TNXB: variants seen among roughly 807,000 people sequenced by gnomAD.
TNXB encodes the protein tenascin-X.
In TNXB, 183 loss-of-function variants were observed where a neutral mutation model predicts 340.5. That is an observed-to-expected ratio of 0.54 (90% CI 0.48 to 0.61). TNXB has a LOEUF of 0.61. Ranked by LOEUF, TNXB falls within the 20% of genes least tolerant of loss-of-function variation. The probability of loss-of-function intolerance (pLI) is 0.00; values close to 1 mark genes in which losing one functional copy is unlikely to be tolerated. For missense variants in TNXB, 4,613 were observed against 5,446.4 expected (o/e 0.85, Z 4.82); for synonymous variants, 2,121 against 2,314.5 (o/e 0.92, Z 2.40).
chr6:32,058,489 A>G lies in TNXB; in HGVS notation c.7493-99T>C, dbSNP rs754161597. The G allele has an allele frequency of 4.4e-5, 45 of 1,033,432 alleles. No individual in the cohort carries two copies. The highest frequency in any genetic ancestry group is 5.7e-5 in the Admixed American group (2 of 34,922). 64.0% of individuals were successfully genotyped at this position (1,033,432 alleles called of 1,614,324 possible). ...GGTCATACATCAAATGTGCCCCTCC[A>G]GAGCAGGCTGAGGGCTGGGGCAGCT... On this transcript the variant is annotated intron_variant, in intron 21 of 43. Transcript: ENST00000644971. The surrounding 1 kb of genome is among the most constrained non-coding windows in gnomAD (Gnocchi z 5.1).
rs1006168035 is a variant in TNXB at position 32,052,217 on chromosome 6, C to T, written c.9115+453G>A. On this transcript the variant is annotated intron_variant, in intron 26 of 43. Coordinates refer to ENST00000644971, the MANE Select transcript of TNXB (RefSeq NM_001365276.2). The surrounding 1 kb of genome is among the most constrained non-coding windows in gnomAD (Gnocchi z 4.7). Reference sequence around the variant, plus strand: ...CTATGATCCCAGCACTTTGGGAGGCCGAGGAGGGCAGATCACGAGGTCAGG... The same window carrying T: ...CTATGATCCCAGCACTTTGGGAGGCTGAGGAGGGCAGATCACGAGGTCAGG... 6.6e-6 allele frequency among the ~76,000 whole-genome samples: 1 copy of T among 152,022 alleles called. No individual in the cohort carries two copies. The highest frequency in any genetic ancestry group is 2.4e-5 in the African/African-American group (1 of 41,396).
rs1381181919 is a variant in TNXB, at chr6:32,072,110, CCACG to C, written c.4866_4869del (p.Val1623LeufsTer59). On this transcript the variant is annotated frameshift_variant, in exon 13 of 44. Transcript: ENST00000644971. LOFTEE classifies it high-confidence loss of function. The surrounding 1 kb of genome is among the most constrained non-coding windows in gnomAD (Gnocchi z 4.4). Reference sequence around the variant, plus strand: ...ATAGTGACCTCCCGCTGATCTGCAGCCACGGGCACCACCTGGGGCTGCCCGTCCC... The same window carrying C: ...ATAGTGACCTCCCGCTGATCTGCAGCGGCACCACCTGGGGCTGCCCGTCCC... 6.2e-7 allele frequency: 1 copy of C among 1,613,034 alleles called. No individual in the cohort carries two copies. Among genetic ancestry groups the C allele is most frequent in the Admixed American group, 1.7e-5 (1 of 59,930 alleles).
In TNXB at chr6:32,084,431, C is replaced by T. The variant is rs965570472; in HGVS notation, c.3427G>A (p.Val1143Met). The T allele has an allele frequency of 9.1e-5, 145 of 1,592,552 alleles. No homozygotes were observed. Among genetic ancestry groups the T allele is most frequent in the Non-Finnish European group, 1.1e-4 (126 of 1,166,952 alleles). The change falls in exon 8 of 44, where the codon GTG (valine) becomes ATG (methionine). Residue 1143 changes from valine to methionine, a missense_variant. By Grantham distance (21) the Val-to-Met change is conservative. Around this residue, in one of 7 missense-constraint regions of TNXB, gnomAD observed 4,327 missense variants for 4,859.4 expected, o/e 0.89. Coordinates refer to ENST00000644971, the MANE Select transcript of TNXB (RefSeq NM_001365276.2). This position sits in a 1 kb window ranked among gnomAD's most constrained non-coding sequence, Gnocchi z 5.5. The stretch of plus-strand genomic sequence containing the variant: ...CACTCACAGATCTTGGCTTCAGCCA[C>T]CAGCGGACCATGCCTCTTCTTGCCA... ...FVGKKRHGPL[V>M]AEAKILPQSD...
In TNXB at chr6:32,049,197, C is replaced by T. The variant is rs920769124; in HGVS notation, c.9757+73G>A. 7.3e-6 allele frequency: 11 copies of T among 1,505,630 alleles called. No homozygotes were observed. Among genetic ancestry groups the T allele is most frequent in the Non-Finnish European group, 9.8e-6 (11 of 1,127,448 alleles). 93.3% of individuals were successfully genotyped at this position (1,505,630 alleles called of 1,614,324 possible). On this transcript the variant is annotated intron_variant, in intron 28 of 43. Transcript: ENST00000644971. The surrounding 1 kb of genome is among the most constrained non-coding windows in gnomAD (Gnocchi z 4.5). The stretch of plus-strand genomic sequence containing the variant: ...CCTAGAGGCCCAGTCAAAAGAGGTG[C>T]CAAGATCCAAAGGAGAAACACAAGG...
intron 1 of TNXB, among the ~76,000 whole-genome samples, chr6:32,102,255 T>C (rs1169341929): frequency 6.6e-6 from 1 of 152,184 alleles, no homozygotes; most frequent in Non-Finnish European, 1.5e-5. Flanking sequence ...TGCTAAAACA[T>C]ATAGTCTATA....
At chr6:32,092,092 T>C (rs929774751) in intron 4 of TNXB, among the ~76,000 whole-genome samples, 10 of 152,202 alleles carry the variant, frequency 6.6e-5, no homozygotes, top group African/African-American at 2.4e-4. Flanking sequence ...CTTTGCAAAA[T>C]AGCAACATTC....
rs1779682527 is a variant in TNXB at position 32,084,866 on chromosome 6, A to C, written c.3149-157T>G. Among the ~76,000 whole-genome samples, 4 of 152,170 alleles carry C rather than the reference A, an allele frequency of 2.6e-5. No individual in the cohort carries two copies. The South Asian group carries it at 8.3e-4, about 32-fold the overall frequency. On this transcript the variant is annotated intron_variant, in intron 7 of 43. Coordinates refer to ENST00000644971, the MANE Select transcript of TNXB (RefSeq NM_001365276.2). The surrounding 1 kb of genome is among the most constrained non-coding windows in gnomAD (Gnocchi z 5.5). ...CCTCAGTGACTAGCTCTTCTGGAAG[A>C]GGGGCATTTCCCTCTCAATCTCTGC...
In TNXB at chr6:32,063,619, G is replaced by A. The variant is rs188368965; in HGVS notation, c.6842-1136C>T. Among the ~76,000 whole-genome samples the A allele has an allele frequency of 5.9e-5, 9 of 152,278 alleles. No homozygotes were observed. In the East Asian group the frequency reaches 1.7e-3, roughly 29 times the overall value. On this transcript the variant is annotated intron_variant, in intron 19 of 43. Transcript: ENST00000644971. ...ACCTGCAGTAGCTCTGCTAACTTAC[G>A]GCAGAGAGAGCACCTCCAGTGATGC...
In TNXB at chr6:32,068,697, C is replaced by T. The variant is rs762906061; in HGVS notation, c.5913G>A (p.Glu1971=). ...VHVEALTVPE[E]EKPSEPPTAT... Reference sequence around the variant, plus strand: ...CGGTGGGAGGTTCTGAAGGCTTCTCCTCCTCCGGGACTGGACAGAGACATG... The same window carrying T: ...CGGTGGGAGGTTCTGAAGGCTTCTCTTCCTCCGGGACTGGACAGAGACATG... Residue 1971 remains glutamate, a synonymous_variant, in exon 17 of 44, where the codon GAG becomes GAA. Coordinates refer to ENST00000644971, the MANE Select transcript of TNXB (RefSeq NM_001365276.2). This position sits in a 1 kb window ranked among gnomAD's most constrained non-coding sequence, Gnocchi z 5.3. 6.2e-7 allele frequency: 1 copy of T among 1,613,462 alleles called. No individual in the cohort carries two copies. The highest frequency in any genetic ancestry group is 8.5e-7 in the Non-Finnish European group (1 of 1,179,554).
chr6:32,094,778 G>A (rs1780238860), intron 4 of TNXB, among the ~76,000 whole-genome samples: 1 of 152,154 alleles, frequency 6.6e-6, no homozygotes, highest in African/African-American at 2.4e-5. Context: ...AGGGGCAGAC[G>A]GATTCTGCAA....
intron 1 of TNXB, among the ~76,000 whole-genome samples, chr6:32,098,787 G>A (rs1332272742): frequency 6.6e-6 from 1 of 152,070 alleles, no homozygotes; most frequent in Non-Finnish European, 1.5e-5. Context: ...GCTCTACACT[G>A]GTCTTTTGTT....
At position 32,052,973 on chromosome 6, in the gene TNXB, C is replaced by T. The variant is rs780721675; in HGVS notation, c.8812G>A (p.Ala2938Thr). Residue 2938 changes from alanine to threonine, a missense_variant, in exon 26 of 44, where the codon GCC becomes ACC. This residue lies in a region of TNXB where 4,327 missense variants were observed against 4,859.4 expected (regional missense o/e 0.89). Transcript: ENST00000644971. The surrounding 1 kb of genome is among the most constrained non-coding windows in gnomAD (Gnocchi z 4.7). ...GCCTCCGTGCTGGGTTCTGTGGGGG[C>T]GGGAGTTTCTTCCTCTGCAGCTGAG... ...GVTAAEEETP[A>T]PTEPSTEAPE... 40 of 1,610,946 alleles carry T rather than the reference C, an allele frequency of 2.5e-5. No homozygotes were observed. The highest frequency in any genetic ancestry group is 3.3e-5 in the South Asian group (3 of 91,002).
At position 32,052,832 on chromosome 6, in the gene TNXB, G is replaced by C; in HGVS notation, c.8953C>G (p.Gln2985Glu). The C allele has an allele frequency of 6.2e-7, 1 of 1,613,634 alleles. No individual in the cohort carries two copies. Among genetic ancestry groups the C allele is most frequent in the Non-Finnish European group, 8.5e-7 (1 of 1,179,892 alleles). The change falls in exon 26 of 44, where the codon CAG (glutamine) becomes GAG (glutamate). Residue 2985 changes from glutamine to glutamate, a missense_variant. Coordinates refer to ENST00000644971, the MANE Select transcript of TNXB (RefSeq NM_001365276.2). This position sits in a 1 kb window ranked among gnomAD's most constrained non-coding sequence, Gnocchi z 4.7. ...GGCCGCCCGTCCCTGTCCTTGTACTGCACAGTGAAGGAGTCGAAGCGGCCC... is the reference window on the plus strand; with the variant it reads ...GGCCGCCCGTCCCTGTCCTTGTACTCCACAGTGAAGGAGTCGAAGCGGCCC... ...PQGRFDSFTVQYKDRDGRPQV... is the reference protein window; with the variant it reads ...PQGRFDSFTVEYKDRDGRPQV...
Position 32,074,031 on chromosome 6 carries a change from T to A in TNXB, c.4376-79A>T. ...TAATGATGTCTAGTTATTTATTTTT[T>A]ATTTTTTATTTTTGAGATGGAGTCT... On this transcript the variant is annotated intron_variant, in intron 11 of 43. Coordinates refer to ENST00000644971, the MANE Select transcript of TNXB (RefSeq NM_001365276.2). The surrounding 1 kb of genome is among the most constrained non-coding windows in gnomAD (Gnocchi z 5.5). 7.7e-7 allele frequency: 1 copy of A among 1,295,128 alleles called. No homozygotes were observed. Among genetic ancestry groups the A allele is most frequent in the East Asian group, 2.6e-5 (1 of 38,828 alleles). 80.2% of individuals were successfully genotyped at this position (1,295,128 alleles called of 1,614,324 possible).
rs778134657 is a variant in TNXB at position 32,069,623 on chromosome 6, C to A, written c.5517G>T (p.Arg1839Ser). The A allele has an allele frequency of 1.2e-6, 2 of 1,611,260 alleles. No individual in the cohort carries two copies. Among genetic ancestry groups the A allele is most frequent in the Non-Finnish European group, 1.7e-6 (2 of 1,178,586 alleles). Residue 1839 changes from arginine to serine, a missense_variant, in exon 15 of 44, where the codon AGG becomes AGT. Arg to Ser is a moderately radical substitution (Grantham distance 110). Coordinates refer to ENST00000644971, the MANE Select transcript of TNXB (RefSeq NM_001365276.2). The surrounding 1 kb of genome is among the most constrained non-coding windows in gnomAD (Gnocchi z 6.2). Reference sequence around the variant, plus strand: ...GCAGCCCGTAGAGCAGCAGCTTGTACCTGTGGGCAGGGTCCAGGCCCGGCA... The same window carrying A: ...GCAGCCCGTAGAGCAGCAGCTTGTAACTGTGGGCAGGGTCCAGGCCCGGCA... ...VSVPGLDPAH[R>S]YKLLLYGLHH...
Position 32,062,070 on chromosome 6 carries a change from C to G in TNXB, c.7168+87G>C. 1 of 1,477,524 alleles carries G rather than the reference C, an allele frequency of 6.8e-7. No individual in the cohort carries two copies. Among genetic ancestry groups the G allele is most frequent in the Non-Finnish European group, 9.1e-7 (1 of 1,093,746 alleles). 91.5% of individuals were successfully genotyped at this position (1,477,524 alleles called of 1,614,324 possible). A position where few individuals can be genotyped will look rare whatever the true frequency, so the allele number is the denominator to read the frequency against. ...AGTAGGTCTGTGGTGCTGACCAGACCCGTCCCATTCCCCACCAGTCATCAC... is the reference window on the plus strand; with the variant it reads ...AGTAGGTCTGTGGTGCTGACCAGACGCGTCCCATTCCCCACCAGTCATCAC... On this transcript the variant is annotated intron_variant, in intron 20 of 43. Coordinates refer to ENST00000644971, the MANE Select transcript of TNXB (RefSeq NM_001365276.2). This position sits in a 1 kb window ranked among gnomAD's most constrained non-coding sequence, Gnocchi z 4.3.
rs11751545 is a variant in TNXB, at chr6:32,073,266, A to C, written c.4681+381T>G. ...ATGTAAAGCACTTCGCCTCAACAAA[A>C]AAGGGCAGAAGCAGGAGGTGGCAGC... On this transcript the variant is annotated intron_variant, in intron 12 of 43. Transcript: ENST00000644971. The surrounding 1 kb of genome is among the most constrained non-coding windows in gnomAD (Gnocchi z 4.6). 4.8e-3 allele frequency among the ~76,000 whole-genome samples: 729 copies of C among 152,264 alleles called. 4 individuals are homozygous for C. The highest frequency in any genetic ancestry group is 0.02 in the Middle Eastern group (6 of 294).
Position 32,096,741 on chromosome 6 carries a change from C to G in TNXB, c.1112G>C (p.Arg371Pro), listed in dbSNP as rs1463379603. The G allele has an allele frequency of 6.4e-7, 1 of 1,553,000 alleles. No individual in the cohort carries two copies. Among genetic ancestry groups the G allele is most frequent in the Non-Finnish European group, 8.7e-7 (1 of 1,150,596 alleles). Residue 371 changes from arginine to proline, a missense_variant, in exon 3 of 44, where the codon CGG becomes CCG. By Grantham distance (103) the Arg-to-Pro change is moderately radical. Around this residue, in one of 7 missense-constraint regions of TNXB, gnomAD observed 4,327 missense variants for 4,859.4 expected, o/e 0.89. Coordinates refer to ENST00000644971, the MANE Select transcript of TNXB (RefSeq NM_001365276.2). ...PGYTGEDCST[R>P]TCPRDCRGRG... The stretch of plus-strand genomic sequence containing the variant: ...GCCCCGGCAGTCCCTCGGACATGTC[C>G]GCGTGCTGCAGTCCTCGCCTGTGTA...
In TNXB at chr6:32,047,949, G is replaced by A. The variant is rs2151890028; in HGVS notation, c.10109C>T (p.Ser3370Phe). ...ELTVTDATPD[S>F]VGLSWTVPEG... The stretch of plus-strand genomic sequence containing the variant: ...AGGGACCGTCCACGAGAGGCCCACG[G>A]AGTCAGGGGTCGCATCTGTCACAGT... Residue 3370 changes from serine to phenylalanine, a missense_variant, in exon 30 of 44, where the codon TCC (serine) becomes TTC (phenylalanine). Ser to Phe is a radical substitution (Grantham distance 155). Transcript: ENST00000644971. The surrounding 1 kb of genome is among the most constrained non-coding windows in gnomAD (Gnocchi z 6.2). 6.2e-7 allele frequency: 1 copy of A among 1,612,254 alleles called. No homozygotes were observed.
Sources: allele counts gnomAD v4.1 joint callset (sites outside exome capture counted in the v4.1 genomes callset), GRCh38; gene constraint gnomAD v4.1.1; regional missense constraint gnomAD v4.1.1; non-coding constraint Gnocchi (gnomAD v3.1); transcripts MANE v1.5; gene names NCBI Gene and HGNC (gene_info 2026-07-23, HGNC 2026-07-21).